Variants in PER2 observed in about 807,000 individuals in gnomAD.
PER2 encodes period circadian protein homolog 2.
In PER2, 66 loss-of-function variants were observed where a neutral mutation model predicts 121.0. The ratio of observed to expected loss-of-function variants is 0.55; its 90% CI spans 0.45 to 0.67. The LOEUF (loss-of-function observed/expected upper bound fraction) is 0.67. PER2 is among the 30% of genes least tolerant of loss of function. The pLI is 0.00. For missense variants in PER2, 1,521 were observed against 1,635.0 expected, an observed-to-expected ratio of 0.93 and a Z score of 1.20; for synonymous variants, 684 against 659.9, an observed-to-expected ratio of 1.04 and a Z score of -0.56.
At chr2:238,259,856 G>C in intron 14 of PER2, 113 bp downstream of exon 14, 3 of 674,606 alleles carry the variant, frequency 4.4e-6, no homozygotes, top group Non-Finnish European at 8.2e-6. Flanking sequence ...GGTGTGACAC[G>C]GCTACAAGGT....
intron 8 of PER2, among the ~76,000 whole-genome samples, chr2:238,265,911 T>TC (rs540029846): frequency 1.4e-3 from 214 of 152,184 alleles, no homozygotes; most frequent in African/African-American, 5.0e-3. Flanking sequence ...ACGATTTTTT[T>TC]TTTTTTTTTT....
In PER2 at chr2:238,245,262, G is replaced by A; in HGVS notation, c.*1113C>T. ...CTCACTTTTCCCCAAGTGTCCAAAT[G>A]ACCTAAAAGTGCTGGGGACACTGGC... is the stretch of plus-strand genomic sequence containing the variant. On this transcript the variant is annotated 3_prime_UTR_variant, in exon 23 of 23. Coordinates refer to ENST00000254657, the MANE Select transcript of PER2 (RefSeq NM_022817.3). The A allele has an allele frequency of 7.0e-6, 2 of 284,762 alleles. No homozygotes were observed. The highest frequency in any genetic ancestry group is 5.2e-5 in the Admixed American group (1 of 19,162). 17.6% of individuals were successfully genotyped at this position (284,762 alleles called of 1,614,324 possible).
intron 9 of PER2, among the ~76,000 whole-genome samples, chr2:238,263,265 A>G (rs576289552): frequency 2.0e-5 from 3 of 151,206 alleles, no homozygotes; most frequent in African/African-American, 7.3e-5. Context: ...ACGCTGAAGG[A>G]GGCTCCCTCT....
intron 22 of PER2, among the ~76,000 whole-genome samples, chr2:238,248,637 T>C (rs1398936509): frequency 3.3e-5 from 5 of 150,968 alleles, no homozygotes; most frequent in African/African-American, 1.2e-4. Context: ...TTTAAAAACA[T>C]AAACCTTTAA....
rs199558711 is a variant in PER2 at position 238,263,003 on chromosome 2, C to G, written c.1102G>C (p.Val368Leu). Residue 368 changes from valine to leucine, a missense_variant, in exon 10 of 23, where the codon GTG (valine) becomes CTG (leucine). Val to Leu is a conservative substitution (Grantham distance 32). Coordinates refer to ENST00000254657, the MANE Select transcript of PER2 (RefSeq NM_022817.3). The stretch of plus-strand genomic sequence containing the variant: ...GGCCTGTCACTAGGGTGGAGCTGCA[C>G]GAGCACTGGGGTTTCAATCAGGTCC... ...PQDLIETPVL[V>L]QLHPSDRPLM... 13 of 1,614,046 alleles carry G rather than the reference C, an allele frequency of 8.1e-6. No individual in the cohort carries two copies. The East Asian group carries it at 2.7e-4, about 33-fold the overall frequency.
At chr2:238,264,186 T>C (rs1022180312) in intron 9 of PER2, among the ~76,000 whole-genome samples, 2 of 152,196 alleles carry the variant, frequency 1.3e-5, no homozygotes, top group African/African-American at 4.8e-5. Context: ...GGACACCAAG[T>C]TGGCATGGGA....
intron 20 of PER2, among the ~76,000 whole-genome samples, chr2:238,251,375 C>A (rs1370436500): frequency 6.6e-6 from 1 of 152,218 alleles, no homozygotes; most frequent in Non-Finnish European, 1.5e-5. Context: ...CCTGTAGGCA[C>A]TGAAATCAGA....
rs75221346 is a variant in PER2 at position 238,262,211 on chromosome 2, A to G, written c.1287T>C (p.Ile429=). The change falls in exon 11 of 23, where the codon ATT becomes ATC. Residue 429 remains isoleucine (I), a synonymous_variant. Transcript: ENST00000254657. ...CTCACACCCTGACTTTGTGCCTCCC[A>G]ATGATGAAGGAGATTTTCCTGCTCC... ...NPWSRKISFI[I]GRHKVRVGPL... is the part of the protein sequence containing the mutation. 2.6e-5 allele frequency: 42 copies of G among 1,613,780 alleles called. No individual in the cohort carries two copies. Among genetic ancestry groups the G allele is most frequent in the Non-Finnish European group, 3.5e-5 (41 of 1,180,004 alleles).
chr2:238,267,445 A>T (rs1433688180), intron 8 of PER2, among the ~76,000 whole-genome samples: 1 of 152,220 alleles, frequency 6.6e-6, no homozygotes, highest in East Asian at 1.9e-4. Flanking sequence ...CAGCAGGAGC[A>T]GAGACTGTGG....
At position 238,251,635 on chromosome 2, in the gene PER2, C is replaced by T. The variant is rs760322454; in HGVS notation, c.3238G>A (p.Gly1080Ser). The T allele has an allele frequency of 9.3e-6, 15 of 1,614,216 alleles. No homozygotes were observed. The highest frequency in any genetic ancestry group is 2.2e-5 in the East Asian group (1 of 44,886). The part of the protein sequence containing the change: ...GSAASESLGS[G>S]SLGCDASPSG... ...GGGGAGGCGTCGCAGCCCAGTGAGC[C>T]GGAGCCCAGAGACTCCGAAGCAGCA... Residue 1080 changes from glycine (G) to serine (S), a missense_variant, in exon 20 of 23, where the codon GGC (glycine) becomes AGC (serine). By Grantham distance (56) the Gly-to-Ser change is moderately conservative. Coordinates refer to ENST00000254657, the MANE Select transcript of PER2 (RefSeq NM_022817.3).
upstream of PER2, chr2:238,289,725 C>T (rs1383431897): frequency 6.6e-6 from 1 of 152,260 alleles, no homozygotes; most frequent in African/African-American, 2.4e-5. Context: ...CGGTGCAAGC[C>T]GTAGAGACGC....
chr2:238,288,664 G>T (rs1348206919), upstream of PER2: 2 of 150,268 alleles, frequency 1.3e-5, no homozygotes, highest in African/African-American at 4.9e-5. Flanking sequence ...GCCCGCGTCA[G>T]CCCGTCCGCC....
Position 238,252,964 on chromosome 2 carries a change from G to C in PER2, c.3059C>G (p.Ala1020Gly). ...TGATETAAVGADCKPGTSRDQ... is the reference protein window; with the variant it reads ...TGATETAAVGGDCKPGTSRDQ... ...CCGAGAAGTGCCAGGTTTGCAGTCCGCCCCTACAGCTGCTGTCTCTGTGGC... is the reference window on the plus strand; with the variant it reads ...CCGAGAAGTGCCAGGTTTGCAGTCCCCCCCTACAGCTGCTGTCTCTGTGGC... Residue 1020 changes from alanine to glycine, a missense_variant, in exon 19 of 23, where the codon GCG becomes GGG. Physicochemically the swap from Ala to Gly is moderately conservative, Grantham distance 60. Transcript: ENST00000254657. This position sits in a 1 kb window ranked among gnomAD's most constrained non-coding sequence, Gnocchi z 4.2. The C allele has an allele frequency of 1.2e-6, 2 of 1,613,902 alleles. No homozygotes were observed. The highest frequency in any genetic ancestry group is 1.7e-6 in the Non-Finnish European group (2 of 1,180,006).
At chr2:238,269,056 C>A in intron 6 of PER2, 82 bp from the exon 7 acceptor site, 3 of 1,085,864 alleles carry the variant, frequency 2.8e-6, no homozygotes, top group Non-Finnish European at 4.3e-6. Context: ...AAAAGAGGAG[C>A]AGCAGAATCA....
chr2:238,285,045 T>C lies in PER2; in HGVS notation c.-20+3304A>G, dbSNP rs544828057. Among the ~76,000 whole-genome samples the C allele has an allele frequency of 1.4e-4, 22 of 152,260 alleles. 1 individual carries two copies. In the South Asian group the frequency reaches 1.7e-3, roughly 11 times the overall value. ...GAGGGAGGGTGGGCATGCACTTATG[T>C]GCTCAGGGTACCAAAGCCCAGGAGG... is the stretch of plus-strand genomic sequence containing the variant. On this transcript the variant is annotated intron_variant, in intron 1 of 22. Transcript: ENST00000254657.
chr2:238,278,423 T>C (rs1015698091), intron 1 of PER2, among the ~76,000 whole-genome samples: 2 of 152,174 alleles, frequency 1.3e-5, no homozygotes, highest in African/African-American at 4.8e-5. Flanking sequence ...CATTACTTAT[T>C]TGTTCTTATT....
Position 238,260,050 on chromosome 2 carries a change from T to C in PER2, c.1546A>G (p.Ile516Val). 1.4e-6 allele frequency: 2 copies of C among 1,422,330 alleles called. No homozygotes were observed. The highest frequency in any genetic ancestry group is 1.7e-4 in the Middle Eastern group (1 of 5,730). 88.1% of individuals were successfully genotyped at this position (1,422,330 alleles called of 1,614,324 possible). A position where few individuals can be genotyped will look rare whatever the true frequency, so the allele number is the denominator to read the frequency against. Reference sequence around the variant, plus strand: ...TTGGTCTTGTTACCATTTTTACAAATTTCCTTGAAGAAAAACAAAATGAAC... The same window carrying C: ...TTGGTCTTGTTACCATTTTTACAAACTTCCTTGAAGAAAAACAAAATGAAC... ...HEDSRRRRAE[I>V]CKNGNKTKNR... The change falls in exon 14 of 23, where the codon ATT (isoleucine) becomes GTT (valine). Residue 516 changes from isoleucine to valine, a missense_variant. Ile to Val is a conservative substitution (Grantham distance 29). Transcript: ENST00000254657.
At chr2:238,279,717 C>A (rs1158705202) in intron 1 of PER2, among the ~76,000 whole-genome samples, 4 of 152,218 alleles carry the variant, frequency 2.6e-5, no homozygotes, top group African/African-American at 9.7e-5. Context: ...CACCTCCTTC[C>A]CACCAGTACC....
chr2:238,285,135 G>A (rs949908216), intron 1 of PER2, among the ~76,000 whole-genome samples: 2 of 152,276 alleles, frequency 1.3e-5, no homozygotes, highest in Admixed American at 6.5e-5. Flanking sequence ...GCGTGAACCT[G>A]CCCTTGAGGC....
Sources: gnomAD v4.1 joint callset for allele counts (sites outside exome capture counted in the v4.1 genomes callset) on GRCh38, gnomAD v4.1.1 for gene constraint, Gnocchi (gnomAD v3.1) non-coding constraint, MANE v1.5 for transcripts, NCBI Gene and HGNC (gene_info 2026-07-23, HGNC 2026-07-21) for gene names.